CNTNAP2: variants seen among roughly 807,000 people sequenced by gnomAD.
The protein encoded by CNTNAP2 is contactin associated protein 2.
A neutral mutation model predicts 155.2 loss-of-function variants in CNTNAP2; 98 were observed. The observed-to-expected ratio is 0.63, with a 90% CI of 0.54 to 0.75. CNTNAP2 has a LOEUF of 0.75. Ranked by LOEUF, CNTNAP2 falls within the 30% of genes least tolerant of loss-of-function variation. The pLI is 0.00. For missense variants in CNTNAP2, 1,727 were observed against 1,688.1 expected (o/e 1.02, Z -0.40); for synonymous variants, 651 against 631.2 (o/e 1.03, Z -0.47).
chr7:147,321,475 T>A (rs2692146), intron 9 of CNTNAP2, among the ~76,000 whole-genome samples: 74,652 of 152,024 alleles, frequency 0.49, 19,497 homozygotes, highest in East Asian at 0.73. Flanking sequence ...AGCTTCTGAA[T>A]TAGGGATTTT....
rs376970199 is a variant in CNTNAP2, at chr7:147,193,911, T to C, written c.1348+61402T>C. Among the ~76,000 whole-genome samples, 6 of 152,032 alleles carry C rather than the reference T, an allele frequency of 3.9e-5. No individual in the cohort carries two copies. In the East Asian group the frequency reaches 1.2e-3, roughly 29 times the overall value. ...ATGACAATACTGTGGAAAGTGGATT[T>C]AAGCATTAGAAGGAATGAATGCCAA... On this transcript the variant is annotated intron_variant, in intron 8 of 23. Coordinates refer to ENST00000361727, the MANE Select transcript of CNTNAP2 (RefSeq NM_014141.6).
chr7:146,866,903 T>A (rs1221172478), intron 3 of CNTNAP2, among the ~76,000 whole-genome samples: 1 of 152,050 alleles, frequency 6.6e-6, no homozygotes, highest in East Asian at 1.9e-4. Flanking sequence ...TTCGATAGGG[T>A]CTTTCTTCTA....
intron 1 of CNTNAP2, among the ~76,000 whole-genome samples, chr7:146,418,636 A>G (rs1795969484): frequency 6.6e-6 from 1 of 152,190 alleles, no homozygotes; most frequent in South Asian, 2.1e-4. Context: ...AAATATATAC[A>G]GGGAAATCCT....
intron 1 of CNTNAP2, among the ~76,000 whole-genome samples, chr7:146,550,942 A>C (rs1009864708): frequency 6.6e-6 from 1 of 152,106 alleles, no homozygotes; most frequent in African/African-American, 2.4e-5. Flanking sequence ...AGAGGTTTAT[A>C]AGCAGGAGGG....
intron 1 of CNTNAP2, among the ~76,000 whole-genome samples, chr7:146,495,120 A>C (rs192607836): frequency 1.0e-3 from 157 of 152,340 alleles, no homozygotes; most frequent in Non-Finnish European, 1.5e-3. Flanking sequence ...TGAGGTTGTC[A>C]AATCTGTGAT....
chr7:147,638,912 T>C (rs1229660416), intron 12 of CNTNAP2, 194 bp from the exon 13 acceptor site: 1 of 684,546 alleles, frequency 1.5e-6, no homozygotes. Flanking sequence ...AAAATATTAC[T>C]TTCCTACTTT....
chr7:146,152,845 T>A (rs1490817137), intron 1 of CNTNAP2, among the ~76,000 whole-genome samples: 1 of 152,102 alleles, frequency 6.6e-6, no homozygotes, highest in African/African-American at 2.4e-5. Context: ...TATAACTTCC[T>A]ACTGCTCACT....
intron 8 of CNTNAP2, among the ~76,000 whole-genome samples, chr7:147,153,364 C>A (rs1801862945): frequency 6.6e-6 from 1 of 151,906 alleles, no homozygotes; most frequent in Admixed American, 6.6e-5. Context: ...TAGAAGATGA[C>A]AAGTGAAAAT....
At chr7:148,063,369 C>G (rs990071771) in intron 15 of CNTNAP2, among the ~76,000 whole-genome samples, 104 of 152,166 alleles carry the variant, frequency 6.8e-4, no homozygotes, top group African/African-American at 2.4e-3. Context: ...TCCCAACCCC[C>G]ACTTTTGGAA....
At chr7:146,709,574 T>G (rs911216542) in intron 1 of CNTNAP2, among the ~76,000 whole-genome samples, 1 of 152,178 alleles carries the variant, frequency 6.6e-6, no homozygotes, top group Non-Finnish European at 1.5e-5. Flanking sequence ...AGAACCCTGT[T>G]GCTGAATAAC....
chr7:146,808,353 T>C (rs1803005167), intron 2 of CNTNAP2, among the ~76,000 whole-genome samples: 2 of 152,222 alleles, frequency 1.3e-5, no homozygotes, highest in Admixed American at 6.5e-5. Flanking sequence ...GAATGTAAAC[T>C]AAACTGTAAA....
chr7:146,429,810 G>A (rs753587442), intron 1 of CNTNAP2, among the ~76,000 whole-genome samples: 1 of 151,944 alleles, frequency 6.6e-6, no homozygotes, highest in Non-Finnish European at 1.5e-5. Flanking sequence ...GGCTTACAAG[G>A]GAAATGCTTC....
At chr7:147,698,383 C>T (rs1015134215) in intron 13 of CNTNAP2, among the ~76,000 whole-genome samples, 1 of 152,128 alleles carries the variant, frequency 6.6e-6, no homozygotes, top group African/African-American at 2.4e-5. Flanking sequence ...CTCCAACACA[C>T]CACTACCTTT....
intron 4 of CNTNAP2, among the ~76,000 whole-genome samples, chr7:147,076,969 T>G (rs1800012653): frequency 6.6e-6 from 1 of 152,168 alleles, no homozygotes; most frequent in African/African-American, 2.4e-5. Context: ...TAAGGAACAT[T>G]GTATTAGTTT....
In CNTNAP2 at chr7:146,972,578, A is replaced by T. The variant is rs190400492; in HGVS notation, c.403-71329A>T. Among the ~76,000 whole-genome samples the T allele has an allele frequency of 6.7e-3, 1,025 of 152,258 alleles. 17 individuals are homozygous for T. The highest frequency in any genetic ancestry group is 0.021 in the African/African-American group (893 of 41,554). On this transcript the variant is annotated intron_variant, in intron 3 of 23. Coordinates refer to ENST00000361727, the MANE Select transcript of CNTNAP2 (RefSeq NM_014141.6). ...AAAATAAACAATAATGATGTAACAA[A>T]TTTTTTCATATATAAAATGAAAATT...
At chr7:148,394,656 A>T (rs1799427162) in intron 22 of CNTNAP2, among the ~76,000 whole-genome samples, 1 of 152,260 alleles carries the variant, frequency 6.6e-6, no homozygotes, top group Non-Finnish European at 1.5e-5. Flanking sequence ...AATGATTCAG[A>T]TAAGTGTCAT....
At chr7:147,457,834 T>C (rs1797947496) in intron 10 of CNTNAP2, among the ~76,000 whole-genome samples, 1 of 68,974 alleles carries the variant, frequency 1.4e-5, no homozygotes, top group South Asian at 4.4e-4. Context: ...TTATTTTCAA[T>C]GAATCAACAA....
intron 15 of CNTNAP2, among the ~76,000 whole-genome samples, chr7:148,080,549 G>A (rs575251672): frequency 2.7e-5 from 4 of 146,592 alleles, no homozygotes; most frequent in African/African-American, 1.0e-4. Context: ...AGCTTGCAGC[G>A]AGCCGAGATT....
At chr7:147,094,380 C>G (rs536569546) in intron 4 of CNTNAP2, among the ~76,000 whole-genome samples, 26 of 149,778 alleles carry the variant, frequency 1.7e-4, no homozygotes, top group African/African-American at 6.2e-4. Flanking sequence ...AATAATGTAG[C>G]CTTTTATTAT....
Sources: allele counts gnomAD v4.1 joint callset (sites outside exome capture counted in the v4.1 genomes callset), GRCh38; gene constraint gnomAD v4.1.1; transcripts MANE v1.5; gene names NCBI Gene and HGNC (gene_info 2026-07-23, HGNC 2026-07-21).